The following SPSB4 variants were observed in gnomAD, a reference collection of about 807,000 sequenced individuals.
SPSB4 encodes SPRY domain-containing SOCS box protein 4.
SPSB4 carries 21 observed loss-of-function variants against 20.9 expected under a neutral mutation model. The observed-to-expected ratio is 1.01, with a 90% CI of 0.71 to 1.45. The LOEUF (loss-of-function observed/expected upper bound fraction) is 1.45. SPSB4 is among the 40% of genes most tolerant of loss of function. The pLI is 0.00. For missense variants in SPSB4, 399 were observed against 399.2 expected (o/e 1.00, Z 0.00); for synonymous variants, 207 against 183.8 (o/e 1.13, Z -1.02).
chr3:141,110,153 C>T (rs1460528533), intron 2 of SPSB4, among the ~76,000 whole-genome samples: 1 of 152,190 alleles, frequency 6.6e-6, no homozygotes, highest in Non-Finnish European at 1.5e-5. Flanking sequence ...ACCCAGAGGC[C>T]TCAGCCCTGT....
rs1323936969 is a variant in SPSB4, at chr3:141,147,298, G to T, written c.*29G>T. ...AAGCCTGATGGGCAGCACAGACACA[G>T]ACACACACCGCAGGGCCCGACCCTC... On this transcript the variant is annotated 3_prime_UTR_variant, in exon 3 of 3. Transcript: ENST00000310546. 2.5e-6 allele frequency: 4 copies of T among 1,613,342 alleles called. No individual in the cohort carries two copies. The South Asian group carries it at 4.4e-5, about 18-fold the overall frequency.
At chr3:141,077,372 G>A (rs1938137969) in intron 2 of SPSB4, 2 of 152,228 alleles carry the variant, frequency 1.3e-5, no homozygotes, top group Non-Finnish European at 2.9e-5. Flanking sequence ...GGCGCCTGGT[G>A]TCTCCCATCC....
At chr3:141,113,185 T>G (rs1416990502) in intron 2 of SPSB4, among the ~76,000 whole-genome samples, 1 of 152,102 alleles carries the variant, frequency 6.6e-6, no homozygotes, top group African/African-American at 2.4e-5. Context: ...GAATTCCTGG[T>G]GAGAATGTAA....
chr3:141,053,497 G>A (rs1936131288), intron 1 of SPSB4, among the ~76,000 whole-genome samples: 1 of 152,086 alleles, frequency 6.6e-6, no homozygotes, highest in Admixed American at 6.5e-5. Flanking sequence ...AATCTGCAAG[G>A]AAAAGAAATC....
At chr3:141,086,766 C>T (rs763520709) in intron 2 of SPSB4, among the ~76,000 whole-genome samples, 3 of 152,300 alleles carry the variant, frequency 2.0e-5, no homozygotes, top group Non-Finnish European at 2.9e-5. Flanking sequence ...AAAATGATAC[C>T]GTGTCCCAGG....
intron 2 of SPSB4, among the ~76,000 whole-genome samples, chr3:141,100,342 T>G (rs547754254): frequency 6.6e-6 from 1 of 152,276 alleles, no homozygotes; most frequent in South Asian, 2.1e-4. Context: ...CTGCTGTGAC[T>G]GGTATCCTTA....
At chr3:141,108,189 T>C (rs975642283) in intron 2 of SPSB4, among the ~76,000 whole-genome samples, 6 of 152,136 alleles carry the variant, frequency 3.9e-5, no homozygotes, top group Admixed American at 3.9e-4. Flanking sequence ...TGGCAACCCC[T>C]TCTCGTGGGA....
intron 2 of SPSB4, among the ~76,000 whole-genome samples, chr3:141,140,902 T>A (rs1939315006): frequency 6.6e-6 from 1 of 152,272 alleles, no homozygotes; most frequent in African/African-American, 2.4e-5. Context: ...TGCTGTCTTT[T>A]GTTTGTCTGT....
intron 2 of SPSB4, among the ~76,000 whole-genome samples, chr3:141,120,403 G>C (rs1344457163): frequency 1.3e-5 from 2 of 152,204 alleles, no homozygotes; most frequent in Non-Finnish European, 2.9e-5. Context: ...TTGATTTGGG[G>C]TGAAGAGTTC....
chr3:141,093,540 G>A (rs570245604), intron 2 of SPSB4, among the ~76,000 whole-genome samples: 2 of 152,174 alleles, frequency 1.3e-5, no homozygotes, highest in Middle Eastern at 3.4e-3. Flanking sequence ...GTGACATAGA[G>A]GAGGCCCAGA....
intron 2 of SPSB4, among the ~76,000 whole-genome samples, chr3:141,124,524 G>A (rs970567127): frequency 6.6e-6 from 1 of 152,234 alleles, no homozygotes; most frequent in Non-Finnish European, 1.5e-5. Context: ...GCAGGTGTGA[G>A]CTGTGTTTCA....
intron 2 of SPSB4, among the ~76,000 whole-genome samples, chr3:141,116,330 C>T (rs1306459825): frequency 3.3e-5 from 5 of 152,330 alleles, no homozygotes; most frequent in South Asian, 2.1e-4. Context: ...GGATTGAACC[C>T]GTTAGTTGCT....
At chr3:141,141,419 C>T (rs562826763) in intron 2 of SPSB4, among the ~76,000 whole-genome samples, 11 of 152,336 alleles carry the variant, frequency 7.2e-5, no homozygotes, top group East Asian at 1.9e-4. Flanking sequence ...TCTTCTGCAT[C>T]GCTCACGCTG....
chr3:141,066,979 C>T (rs1251231649), intron 2 of SPSB4, among the ~76,000 whole-genome samples, 181 bp downstream of exon 2: 2 of 152,186 alleles, frequency 1.3e-5, no homozygotes, highest in Non-Finnish European at 2.9e-5. Flanking sequence ...CTTAGTTCTC[C>T]CATCGGCAAA....
At chr3:141,054,753 C>T (rs529098784) in intron 1 of SPSB4, among the ~76,000 whole-genome samples, 22 of 152,228 alleles carry the variant, frequency 1.4e-4, no homozygotes, top group Non-Finnish European at 2.8e-4. Flanking sequence ...ATCGCAAGGT[C>T]AGGAGATCGA....
chr3:141,138,986 T>C (rs1277676064), intron 2 of SPSB4, among the ~76,000 whole-genome samples: 3 of 152,154 alleles, frequency 2.0e-5, no homozygotes, highest in Admixed American at 6.5e-5. Context: ...TTTTGTAGGT[T>C]ACTAAGGACT....
chr3:141,088,823 A>G (rs1355836906), intron 2 of SPSB4, among the ~76,000 whole-genome samples: 5 of 151,936 alleles, frequency 3.3e-5, no homozygotes, highest in African/African-American at 1.2e-4. Context: ...TCTCATTTTC[A>G]TCTCCTGAGA....
At chr3:141,143,770 G>T (rs1939372376) in intron 2 of SPSB4, among the ~76,000 whole-genome samples, 2 of 152,354 alleles carry the variant, frequency 1.3e-5, no homozygotes, top group African/African-American at 4.8e-5. Context: ...GTGCTTTCAA[G>T]AGAGCACCAG....
At chr3:141,093,671 C>A (rs998884805) in intron 2 of SPSB4, among the ~76,000 whole-genome samples, 5 of 152,196 alleles carry the variant, frequency 3.3e-5, no homozygotes, top group African/African-American at 4.8e-5. Flanking sequence ...TGCCAAGGCT[C>A]AGCTGTGCTT....
Sources: allele counts gnomAD v4.1 joint callset (sites outside exome capture counted in the v4.1 genomes callset), GRCh38; gene constraint gnomAD v4.1.1; transcripts MANE v1.5; gene names NCBI Gene and HGNC (gene_info 2026-07-23, HGNC 2026-07-21).